CEP85: variants seen among roughly 807,000 people sequenced by gnomAD.
CEP85 encodes the protein centrosomal protein of 85 kDa.
CEP85 carries 58 observed loss-of-function variants against 93.7 expected under a neutral mutation model. The ratio of observed to expected loss-of-function variants is 0.62; its 90% CI spans 0.50 to 0.77. The LOEUF (loss-of-function observed/expected upper bound fraction) is 0.77. CEP85 is among the 30% of genes least tolerant of loss of function. CEP85 has a pLI of 0.00. For synonymous variants in CEP85, 314 were observed against 338.6 expected, an observed-to-expected ratio of 0.93 and a Z score of 0.80; for missense variants, 868 against 922.0, an observed-to-expected ratio of 0.94 and a Z score of 0.76.
At chr1:26,262,008 T>TA (rs992284527) in intron 7 of CEP85, among the ~76,000 whole-genome samples, 19 of 151,204 alleles carry the variant, frequency 1.3e-4, no homozygotes, top group East Asian at 3.9e-4. Context: ...CTCTCTGTAC[T>TA]AAAAAAAATA....
At chr1:26,271,801 T>C in intron 10 of CEP85, 1 of 568,470 alleles carries the variant, frequency 1.8e-6, no homozygotes, top group Non-Finnish European at 3.2e-6. Flanking sequence ...CACACTACAT[T>C]CCTGTATAAA....
At chr1:26,269,370 A>T in intron 8 of CEP85, 90 bp from the exon 9 acceptor site, 1 of 1,282,668 alleles carries the variant, frequency 7.8e-7, no homozygotes, top group Non-Finnish European at 1.1e-6. Flanking sequence ...TATAGGTTTG[A>T]GTGCTATTTC....
intron 4 of CEP85, among the ~76,000 whole-genome samples, chr1:26,256,357 C>G (rs2089701104): frequency 6.6e-6 from 1 of 151,920 alleles, no homozygotes; most frequent in Non-Finnish European, 1.5e-5. Context: ...AGAGTGAAAC[C>G]CTGCCTCTAC....
At chr1:26,249,716 G>C (rs1437349130) in intron 3 of CEP85, among the ~76,000 whole-genome samples, 1 of 152,178 alleles carries the variant, frequency 6.6e-6, no homozygotes, top group African/African-American at 2.4e-5. Flanking sequence ...GTGAAAGGAA[G>C]TTTGCTCAAA....
chr1:26,254,546 G>A (rs980634642), intron 3 of CEP85: 2 of 153,044 alleles, frequency 1.3e-5, no homozygotes, highest in Non-Finnish European at 2.9e-5. Context: ...TGAAACCTGA[G>A]AGTTACTAAG....
At chr1:26,269,734 T>C in intron 9 of CEP85, 120 bp downstream of exon 9, 2 of 752,568 alleles carry the variant, frequency 2.7e-6, no homozygotes, top group Admixed American at 5.4e-5. Context: ...ATCTGAGCTT[T>C]GTTTTCTTTG....
chr1:26,247,075 A>G (rs548722343), intron 3 of CEP85, among the ~76,000 whole-genome samples: 8 of 152,292 alleles, frequency 5.3e-5, no homozygotes, highest in African/African-American at 1.9e-4. Context: ...CAGGAACCCT[A>G]TTGTGAAATG....
intron 3 of CEP85, among the ~76,000 whole-genome samples, chr1:26,250,775 T>C (rs548503750): frequency 5.9e-5 from 9 of 152,216 alleles, no homozygotes; most frequent in South Asian, 2.1e-4. Flanking sequence ...GTGTAACTTA[T>C]ACAGAAAAGA....
intron 8 of CEP85, 195 bp from the exon 9 acceptor site, chr1:26,269,264 TC>T: frequency 1.7e-6 from 1 of 579,708 alleles, no homozygotes; most frequent in South Asian, 2.1e-5. Context: ...AAGAACTCCT[TC>T]CCCTCCCCTG....
intron 3 of CEP85, among the ~76,000 whole-genome samples, chr1:26,248,583 C>T (rs1364435123): frequency 1.3e-5 from 2 of 151,880 alleles, no homozygotes; most frequent in Non-Finnish European, 2.9e-5. Flanking sequence ...GTAACCTCCA[C>T]CTCCTGGGTT....
chr1:26,273,378 AT>A (rs1253645755), intron 11 of CEP85, among the ~76,000 whole-genome samples: 1 of 152,148 alleles, frequency 6.6e-6, no homozygotes, highest in Non-Finnish European at 1.5e-5. Flanking sequence ...CATTATGTGG[AT>A]TGGGCTACGT....
rs745862780 is a variant in CEP85, at chr1:26,269,440, C to T, written c.1495-20C>T. 1 of 1,611,946 alleles carries T rather than the reference C, an allele frequency of 6.2e-7. No homozygotes were observed. The highest frequency in any genetic ancestry group is 1.1e-5 in the South Asian group (1 of 90,954). Reference sequence around the variant, plus strand: ...TAACACTTGGCTTATTTGACCTAAACATGGGATCCTGTCTCTCAGCTTAAG... The same window carrying T: ...TAACACTTGGCTTATTTGACCTAAATATGGGATCCTGTCTCTCAGCTTAAG... On this transcript the variant is annotated intron_variant, in intron 8 of 13. Coordinates refer to ENST00000451429, the MANE Select transcript of CEP85 (RefSeq NM_001319944.2).
chr1:26,247,307 A>C (rs1220363163), intron 3 of CEP85, among the ~76,000 whole-genome samples: 3 of 152,204 alleles, frequency 2.0e-5, no homozygotes, highest in Non-Finnish European at 4.4e-5. Context: ...CCATTAATAT[A>C]CTAAAACCCA....
chr1:26,252,355 A>G (rs555950817), intron 3 of CEP85, among the ~76,000 whole-genome samples: 1 of 151,920 alleles, frequency 6.6e-6, no homozygotes, highest in African/African-American at 2.4e-5. Context: ...CAGCATGGAG[A>G]AGCCCTGTCT....
chr1:26,239,817 ATC>A lies in CEP85; in HGVS notation c.39_40del (p.His14ArgfsTer18). ...AMQEKYPTEG[I>X]SHVTSPSSDV... Reference sequence around the variant, plus strand: ...GCAGGAGAAATATCCAACTGAGGGGATCTCTCACGTCACTTCACCGAGTGAGT... The same window carrying A: ...GCAGGAGAAATATCCAACTGAGGGGATCTCACGTCACTTCACCGAGTGAGT... On this transcript the variant is annotated frameshift_variant, in exon 2 of 14. Transcript: ENST00000451429. LOFTEE classifies it high-confidence loss of function. 1.2e-6 allele frequency: 2 copies of A among 1,613,860 alleles called. No homozygotes were observed. The highest frequency in any genetic ancestry group is 1.7e-6 in the Non-Finnish European group (2 of 1,179,754).
At chr1:26,265,906 C>T (rs1338645927) in intron 7 of CEP85, among the ~76,000 whole-genome samples, 1 of 151,886 alleles carries the variant, frequency 6.6e-6, no homozygotes, top group Non-Finnish European at 1.5e-5. Flanking sequence ...GACGAGACTC[C>T]ATCTCTATAA....
Position 26,274,815 on chromosome 1 carries a change from G to A in CEP85, c.1795-149G>A. On this transcript the variant is annotated intron_variant, in intron 11 of 13. Transcript: ENST00000451429. The stretch of plus-strand genomic sequence containing the variant: ...GGCTATAGGAGGGTTTAAATGGGAG[G>A]TCACAAATCAGGACTGTTCTAAAAT... 4.9e-6 allele frequency: 3 copies of A among 615,802 alleles called. No homozygotes were observed. In the Admixed American group the frequency reaches 9.3e-5, roughly 19 times the overall value. 38.1% of individuals were successfully genotyped at this position (615,802 alleles called of 1,614,324 possible).
chr1:26,266,818 G>A (rs984393763), intron 7 of CEP85, among the ~76,000 whole-genome samples: 3 of 152,188 alleles, frequency 2.0e-5, no homozygotes, highest in African/African-American at 7.2e-5. Flanking sequence ...AATCTTTATT[G>A]AATACCTGCT....
intron 1 of CEP85, 73 bp from the exon 2 acceptor site, chr1:26,239,689 G>T (rs2089390017): frequency 3.2e-6 from 3 of 943,742 alleles, no homozygotes; most frequent in Non-Finnish European, 5.2e-6. Flanking sequence ...GACAGTTTCA[G>T]TTGAATGGGA....
Sources: gnomAD v4.1 joint callset for allele counts (sites outside exome capture counted in the v4.1 genomes callset) on GRCh38, gnomAD v4.1.1 for gene constraint, MANE v1.5 for transcripts, NCBI Gene and HGNC (gene_info 2026-07-23, HGNC 2026-07-21) for gene names.